Variants in GSG1L observed in about 807,000 individuals in gnomAD.
GSG1L encodes GSG1 like, also known as germ cell-specific gene 1-like protein.
A neutral mutation model predicts 42.1 loss-of-function variants in GSG1L; 24 were observed. That is an observed-to-expected ratio of 0.57 (90% CI 0.41 to 0.80). The LOEUF (loss-of-function observed/expected upper bound fraction) is 0.80, where lower values mean the gene tolerates loss of function less well. Among genes scored for constraint, GSG1L ranks in the 30% least tolerant of loss-of-function variants. The probability of loss-of-function intolerance (pLI) is 0.00; values close to 1 mark genes in which losing one functional copy is unlikely to be tolerated. For synonymous variants in GSG1L, 215 were observed against 203.5 expected (o/e 1.06, Z -0.48); for missense variants, 445 against 472.2 (o/e 0.94, Z 0.53).
intron 1 of GSG1L, among the ~76,000 whole-genome samples, chr16:28,062,352 TAG>T (rs1451793072): frequency 5.0e-4 from 76 of 152,266 alleles, no homozygotes; most frequent in Non-Finnish European, 9.0e-4. Flanking sequence ...CCGAACCTAA[TAG>T]GAGCCTTGTG....
intron 2 of GSG1L, among the ~76,000 whole-genome samples, chr16:27,894,197 A>G (rs1402688832): frequency 2.0e-5 from 3 of 152,232 alleles, no homozygotes; most frequent in Non-Finnish European, 4.4e-5. Context: ...CAAATTGGGC[A>G]TACATGAAGC....
At chr16:27,808,862 A>G (rs1388450502) in intron 5 of GSG1L, among the ~76,000 whole-genome samples, 1 of 152,094 alleles carries the variant, frequency 6.6e-6, no homozygotes, top group Non-Finnish European at 1.5e-5. Flanking sequence ...AGCAGAGGAG[A>G]AGCATGGAGC....
chr16:28,025,515 C>T (rs1482338488), intron 1 of GSG1L, among the ~76,000 whole-genome samples: 2 of 152,210 alleles, frequency 1.3e-5, no homozygotes, highest in African/African-American at 2.4e-5. Flanking sequence ...CTCCCAAGCC[C>T]GGCTCAACCC....
chr16:27,947,212 G>A (rs1003465971), intron 2 of GSG1L, among the ~76,000 whole-genome samples: 5 of 151,988 alleles, frequency 3.3e-5, no homozygotes, highest in East Asian at 1.9e-4. Context: ...CTGCAGTCTC[G>A]ACCTCCCTGG....
At chr16:27,905,589 C>T (rs1334699582) in intron 2 of GSG1L, among the ~76,000 whole-genome samples, 1 of 152,168 alleles carries the variant, frequency 6.6e-6, no homozygotes, top group East Asian at 1.9e-4. Flanking sequence ...GCTGGGATTA[C>T]AGACATGAGC....
intron 1 of GSG1L, among the ~76,000 whole-genome samples, chr16:28,032,854 G>A (rs941218841): frequency 3.9e-5 from 6 of 151,938 alleles, no homozygotes; most frequent in African/African-American, 9.7e-5. Context: ...CCACAAGGCC[G>A]AGGCACCATC....
intron 1 of GSG1L, among the ~76,000 whole-genome samples, chr16:27,977,275 C>T (rs1054157265): frequency 1.3e-5 from 2 of 152,156 alleles, no homozygotes; most frequent in African/African-American, 2.4e-5. Flanking sequence ...AGGGGACTGA[C>T]TTGGTCAGAA....
chr16:28,039,719 C>T (rs2086085797), intron 1 of GSG1L, among the ~76,000 whole-genome samples: 1 of 152,000 alleles, frequency 6.6e-6, no homozygotes, highest in Admixed American at 6.6e-5. Context: ...CACACACATG[C>T]ACATCCCCAC....
intron 1 of GSG1L, among the ~76,000 whole-genome samples, chr16:28,021,352 A>G (rs1417727388): frequency 6.6e-6 from 1 of 152,160 alleles, no homozygotes; most frequent in Non-Finnish European, 1.5e-5. Context: ...ACCACTGCTA[A>G]GCAGTGGAGC....
At position 27,814,933 on chromosome 16, in the gene GSG1L, CT is replaced by C. The variant is rs1003293454; in HGVS notation, c.831-7380del. On this transcript the variant is annotated intron_variant, in intron 5 of 6. Coordinates refer to ENST00000447459, the MANE Select transcript of GSG1L (RefSeq NM_001109763.2). ...TTCTGAAGACATGAAGACAGATTTA[CT>C]TTTTTTTTTTCTTTTGACAGGGTTC... Among the ~76,000 whole-genome samples the C allele has an allele frequency of 5.6e-3, 828 of 147,208 alleles. 10 individuals are homozygous for C. Among genetic ancestry groups the C allele is most frequent in the African/African-American group, 0.019 (757 of 40,374 alleles).
At chr16:27,944,549 G>A (rs1447727397) in intron 2 of GSG1L, among the ~76,000 whole-genome samples, 1 of 151,654 alleles carries the variant, frequency 6.6e-6, no homozygotes, top group Non-Finnish European at 1.5e-5. Context: ...TTGAACCCAG[G>A]AGGTGGAGGT....
At chr16:28,031,364 GTGGGATGAGA>G (rs2085961941) in intron 1 of GSG1L, among the ~76,000 whole-genome samples, 1 of 134,738 alleles carries the variant, frequency 7.4e-6, no homozygotes, top group Non-Finnish European at 1.6e-5. Flanking sequence ...ATGGGATGGG[GTGGGATGAGA>G]TGGGATGGGA....
intron 4 of GSG1L, among the ~76,000 whole-genome samples, chr16:27,839,996 C>T (rs1180021667): frequency 6.6e-6 from 1 of 151,862 alleles, no homozygotes; most frequent in Admixed American, 6.6e-5. Context: ...GTGCCTCCCA[C>T]TGTGCACAGC....
intron 3 of GSG1L, among the ~76,000 whole-genome samples, chr16:27,853,898 T>C (rs989101775): frequency 6.6e-6 from 1 of 151,974 alleles, no homozygotes; most frequent in Non-Finnish European, 1.5e-5. Context: ...TGGGACGATA[T>C]CTGACATTAA....
intron 2 of GSG1L, among the ~76,000 whole-genome samples, chr16:27,939,631 G>A (rs1397266653): frequency 2.0e-5 from 3 of 152,130 alleles, no homozygotes; most frequent in Non-Finnish European, 4.4e-5. Flanking sequence ...CAAAAGCCAC[G>A]GTTTTCACTG....
intron 1 of GSG1L, among the ~76,000 whole-genome samples, chr16:27,995,483 G>T (rs900124433): frequency 2.0e-5 from 3 of 152,158 alleles, no homozygotes; most frequent in African/African-American, 7.2e-5. Flanking sequence ...CCAAAAATCA[G>T]GAAGTCAGGG....
At chr16:27,793,091 A>G (rs2082773403) in intron 6 of GSG1L, among the ~76,000 whole-genome samples, 2 of 152,214 alleles carry the variant, frequency 1.3e-5, no homozygotes, top group South Asian at 2.1e-4. Flanking sequence ...CAGAAAGCCC[A>G]TTGAGGTGGG....
At chr16:28,008,010 GTTC>G (rs1392279638) in intron 1 of GSG1L, among the ~76,000 whole-genome samples, 1 of 152,184 alleles carries the variant, frequency 6.6e-6, no homozygotes, top group Non-Finnish European at 1.5e-5. Context: ...ACGAGCCGTT[GTTC>G]TTCTGTCCAG....
Position 28,063,005 on chromosome 16 carries a change from G to A in GSG1L, c.349+71C>T. 2.3e-6 allele frequency: 3 copies of A among 1,278,718 alleles called. No homozygotes were observed. The highest frequency in any genetic ancestry group is 3.0e-6 in the Non-Finnish European group (3 of 1,013,902). 79.2% of individuals were successfully genotyped at this position (1,278,718 alleles called of 1,614,324 possible). A position where few individuals can be genotyped will look rare whatever the true frequency, so the allele number is the denominator to read the frequency against. On this transcript the variant is annotated intron_variant, in intron 1 of 6. Transcript: ENST00000447459. This position sits in a 1 kb window ranked among gnomAD's most constrained non-coding sequence, Gnocchi z 5.8. ...CGGGAGGAGGGCGAACGGGTCCGGG[G>A]CTCGGGCCTCGATGGCCGCGCCGCC...
Sources: gnomAD v4.1 joint callset for allele counts (sites outside exome capture counted in the v4.1 genomes callset) on GRCh38, gnomAD v4.1.1 for gene constraint, Gnocchi (gnomAD v3.1) non-coding constraint, MANE v1.5 for transcripts, NCBI Gene and HGNC (gene_info 2026-07-23, HGNC 2026-07-21) for gene names.